Variants in MEIS3 observed in about 807,000 individuals in gnomAD.
MEIS3 encodes Meis homeobox 3.
MEIS3 carries 38 observed loss-of-function variants against 51.4 expected under a neutral mutation model. That is an observed-to-expected ratio of 0.74 (90% confidence interval 0.57 to 0.97). The LOEUF is 0.97. Among genes scored for constraint, MEIS3 ranks in the 50% least tolerant of loss-of-function variants. The pLI is 0.00. For missense variants in MEIS3, 456 were observed against 502.6 expected, an observed-to-expected ratio of 0.91 and a Z score of 0.89; for synonymous variants, 198 against 201.8, an observed-to-expected ratio of 0.98 and a Z score of 0.16.
At chr19:47,422,110 A>G (rs1456312346), upstream of MEIS3, among the ~76,000 whole-genome samples, 1 of 146,854 alleles carries the variant, frequency 6.8e-6, no homozygotes, top group Non-Finnish European at 1.5e-5. Context: ...CCGAGCCCAG[A>G]CTCCTGTGGC....
At chr19:47,422,224 G>T (rs1471151456), upstream of MEIS3, among the ~76,000 whole-genome samples, 3 of 151,820 alleles carry the variant, frequency 2.0e-5, no homozygotes. Context: ...GGAAGGACCC[G>T]GCCTGACCCG....
chr19:47,410,971 C>T (rs1051566022), intron 6 of MEIS3, among the ~76,000 whole-genome samples: 2 of 152,126 alleles, frequency 1.3e-5, no homozygotes, highest in Non-Finnish European at 2.9e-5. Context: ...GTGTCTCACT[C>T]TGTCGCCCAG....
At chr19:47,406,293 G>A in intron 12 of MEIS3, 167 bp downstream of exon 12, 2 of 547,372 alleles carry the variant, frequency 3.7e-6, no homozygotes, top group Non-Finnish European at 6.6e-6. Context: ...ATGGATGGAT[G>A]GATGGACGGA....
intron 4 of MEIS3, 101 bp downstream of exon 4, chr19:47,416,551 G>A: frequency 1.1e-6 from 1 of 918,030 alleles, no homozygotes; most frequent in South Asian, 1.8e-5. Context: ...ACATGGACCA[G>A]GTGGCCTTCT....
At chr19:47,415,455 C>A (rs1236377879) in intron 4 of MEIS3, among the ~76,000 whole-genome samples, 3 of 152,064 alleles carry the variant, frequency 2.0e-5, no homozygotes, top group Non-Finnish European at 4.4e-5. Context: ...CACCTGCAAG[C>A]TACATTTCCC....
intron 1 of MEIS3, 132 bp downstream of exon 1, chr19:47,418,938 G>A: frequency 3.9e-6 from 2 of 512,084 alleles, no homozygotes; most frequent in Non-Finnish European, 6.1e-6. Context: ...AGGGGCGGAG[G>A]GAGGGGCAGA....
At chr19:47,409,070 A>G (rs756557464) in intron 8 of MEIS3, 29 bp downstream of exon 8, 3 of 1,603,096 alleles carry the variant, frequency 1.9e-6, no homozygotes, top group Non-Finnish European at 2.5e-6. Flanking sequence ...CTCCATTCCC[A>G]CCCTGCACCT....
In MEIS3 at chr19:47,416,642, C is replaced by T. The variant is rs748025477; in HGVS notation, c.396+10G>A. ...GGAGGAGGGGGTGTGGGGGAGGGCT[C>T]GGGTCTCACCAGATTGTCCAGTTCT... On this transcript the variant is annotated intron_variant, in intron 4 of 12. Transcript: ENST00000558555. 2.0e-6 allele frequency: 3 copies of T among 1,520,840 alleles called. No individual in the cohort carries two copies. The highest frequency in any genetic ancestry group is 1.4e-5 in the African/African-American group (1 of 71,826). 94.2% of individuals were successfully genotyped at this position (1,520,840 alleles called of 1,614,324 possible).
chr19:47,417,494 C>T (rs535067749), intron 1 of MEIS3, 144 bp from the exon 2 acceptor site: 15 of 1,047,462 alleles, frequency 1.4e-5, no homozygotes, highest in East Asian at 2.6e-5. Flanking sequence ...GGTGTCTGAG[C>T]CCCCAAGCTT....
chr19:47,409,937 T>G (rs1971048290), intron 6 of MEIS3, among the ~76,000 whole-genome samples: 1 of 151,914 alleles, frequency 6.6e-6, no homozygotes, highest in Non-Finnish European at 1.5e-5. Context: ...GGGAAGCCAG[T>G]CCCTGCCTCC....
intron 1 of MEIS3, chr19:47,418,722 A>C: frequency 1.2e-5 from 2 of 160,002 alleles, no homozygotes; most frequent in Admixed American, 9.0e-5. Context: ...GGGCAGAGAG[A>C]GGGGGATAGA....
At chr19:47,405,585 G>A (rs942301527) in intron 12 of MEIS3, among the ~76,000 whole-genome samples, 109 of 137,026 alleles carry the variant, frequency 8.0e-4, no homozygotes, top group African/African-American at 3.0e-3. Context: ...TTTTTTTTTA[G>A]ATGGAGTCTC....
intron 8 of MEIS3, 125 bp downstream of exon 8, chr19:47,408,974 A>G: frequency 1.8e-6 from 2 of 1,098,066 alleles, no homozygotes. Flanking sequence ...CACCTCCATG[A>G]GAGTCTCGAA....
At position 47,409,593 on chromosome 19, in the gene MEIS3, G is replaced by A. The variant is rs1971027204; in HGVS notation, c.598-46C>T. The A allele has an allele frequency of 3.6e-6, 5 of 1,400,760 alleles. No individual in the cohort carries two copies. In the East Asian group the frequency reaches 9.2e-5, roughly 26 times the overall value. The allele number at this position is 1,400,760 out of a possible 1,614,324, so 86.8% of individuals were successfully genotyped here. On this transcript the variant is annotated intron_variant, in intron 6 of 12. Transcript: ENST00000558555. ...GTTAGTGCCAAGGCGGCCGGGCGCA[G>A]TGGCTCACGCCTGTAATCCCAGCAC... is the stretch of plus-strand genomic sequence containing the variant.
At chr19:47,414,572 G>T in intron 6 of MEIS3, 145 bp downstream of exon 6, 1 of 904,020 alleles carries the variant, frequency 1.1e-6, no homozygotes, top group African/African-American at 1.7e-5. Flanking sequence ...TTGTGTAGTG[G>T]GTGTGTGGCT....
upstream of MEIS3, among the ~76,000 whole-genome samples, chr19:47,421,902 C>T (rs991554422): frequency 6.6e-5 from 10 of 151,600 alleles, no homozygotes; most frequent in Non-Finnish European, 1.3e-4. Flanking sequence ...GCCTCCCTGT[C>T]CCCCCCACCG....
At chr19:47,410,313 T>C (rs1363513410) in intron 6 of MEIS3, among the ~76,000 whole-genome samples, 1 of 151,754 alleles carries the variant, frequency 6.6e-6, no homozygotes, top group Non-Finnish European at 1.5e-5. Flanking sequence ...CTGGGCATGA[T>C]GGTGGGTTCC....
At chr19:47,404,308 C>T (rs926017204) in intron 12 of MEIS3, among the ~76,000 whole-genome samples, 7 of 152,192 alleles carry the variant, frequency 4.6e-5, no homozygotes, top group Admixed American at 1.3e-4. Context: ...CACACTTGGC[C>T]ATGAAAGAGC....
chr19:47,407,270 G>T (rs1426414246), intron 9 of MEIS3, 82 bp downstream of exon 9: 28 of 1,525,494 alleles, frequency 1.8e-5, no homozygotes, highest in Non-Finnish European at 2.5e-5. Flanking sequence ...GGCTCTGCGG[G>T]GCTCGGGGCC....
Sources: gnomAD v4.1 joint callset for allele counts (sites outside exome capture counted in the v4.1 genomes callset) on GRCh38, gnomAD v4.1.1 for gene constraint, MANE v1.5 for transcripts, NCBI Gene and HGNC (gene_info 2026-07-23, HGNC 2026-07-21) for gene names.